The following HS3ST4 variants were observed in gnomAD, a reference collection of about 807,000 sequenced individuals.
HS3ST4 encodes heparan sulfate glucosamine 3-O-sulfotransferase 4.
HS3ST4 carries 17 observed loss-of-function variants against 29.2 expected under a neutral mutation model. The ratio of observed to expected loss-of-function variants is 0.58; its 90% CI spans 0.40 to 0.87. HS3ST4 has a LOEUF of 0.87. HS3ST4 is among the 40% of genes least tolerant of loss of function. The pLI is 0.00. For synonymous variants in HS3ST4, 314 were observed against 285.7 expected, an observed-to-expected ratio of 1.10 and a Z score of -1.00; for missense variants, 627 against 634.5, an observed-to-expected ratio of 0.99 and a Z score of 0.13.
At chr16:25,746,132 T>C (rs1344267751) in intron 1 of HS3ST4, among the ~76,000 whole-genome samples, 1 of 152,254 alleles carries the variant, frequency 6.6e-6, no homozygotes, top group Non-Finnish European at 1.5e-5. Flanking sequence ...AATTAGACTA[T>C]GAGCTTCTGA....
intron 1 of HS3ST4, among the ~76,000 whole-genome samples, chr16:25,833,980 T>C (rs1052303234): frequency 1.3e-5 from 2 of 152,072 alleles, no homozygotes; most frequent in African/African-American, 4.8e-5. Context: ...CTGATGAAAC[T>C]AATAAGTGAT....
intron 1 of HS3ST4, among the ~76,000 whole-genome samples, chr16:25,867,766 A>G (rs1453672468): frequency 6.6e-6 from 1 of 152,178 alleles, no homozygotes; most frequent in African/African-American, 2.4e-5. Flanking sequence ...TATAGTCAAG[A>G]GTTACTAAAT....
At chr16:25,838,497 T>C (rs977392943) in intron 1 of HS3ST4, among the ~76,000 whole-genome samples, 14 of 152,204 alleles carry the variant, frequency 9.2e-5, no homozygotes, top group Non-Finnish European at 2.1e-4. Flanking sequence ...GTGATTCATA[T>C]TTGCAGTTCA....
At chr16:25,793,000 A>G (rs1252066546) in intron 1 of HS3ST4, among the ~76,000 whole-genome samples, 1 of 151,852 alleles carries the variant, frequency 6.6e-6, no homozygotes, top group Non-Finnish European at 1.5e-5. Flanking sequence ...TCTAATTTTT[A>G]TGGTAATTTT....
chr16:25,832,020 C>G (rs143647429), intron 1 of HS3ST4, among the ~76,000 whole-genome samples: 3 of 152,138 alleles, frequency 2.0e-5, no homozygotes, highest in Non-Finnish European at 4.4e-5. Flanking sequence ...ATAGGAGGAT[C>G]ACTTGGACCC....
At chr16:26,085,926 A>G (rs1270075132) in intron 1 of HS3ST4, among the ~76,000 whole-genome samples, 1 of 151,450 alleles carries the variant, frequency 6.6e-6, no homozygotes, top group Non-Finnish European at 1.5e-5. Flanking sequence ...TAATAATAAA[A>G]TAAACTTAGC....
Position 26,135,942 on chromosome 16 carries a change from C to T in HS3ST4, c.1065C>T (p.Val355=). 1 of 1,613,954 alleles carries T rather than the reference C, an allele frequency of 6.2e-7. No homozygotes were observed. The highest frequency in any genetic ancestry group is 8.5e-7 in the Non-Finnish European group (1 of 1,179,874). ...QYFPLSQILF[V]SGERLIVDPA... is the part of the protein sequence containing the mutation. ...TCCCCCTCTCCCAGATCCTCTTTGTCAGTGGTGAGCGACTCATTGTGGACC... is the reference window on the plus strand; with the variant it reads ...TCCCCCTCTCCCAGATCCTCTTTGTTAGTGGTGAGCGACTCATTGTGGACC... The change falls in exon 2 of 2, where the codon GTC becomes GTT. Residue 355 remains valine (V), a synonymous_variant. Transcript: ENST00000331351.
chr16:25,845,677 A>ATAATAG (rs1459154538), intron 1 of HS3ST4, among the ~76,000 whole-genome samples: 2 of 147,426 alleles, frequency 1.4e-5, no homozygotes, highest in East Asian at 3.9e-4. Context: ...AATAATAATA[A>ATAATAG]TAATAATAGA....
At chr16:26,051,937 C>T (rs867386286) in intron 1 of HS3ST4, among the ~76,000 whole-genome samples, 6 of 132,530 alleles carry the variant, frequency 4.5e-5, no homozygotes, top group Middle Eastern at 4.0e-3. Context: ...TTCCTTCCTT[C>T]CGTCCTTCCT....
At chr16:25,873,362 CTAGCAAGCCATCCAGT>C (rs1567261359) in intron 1 of HS3ST4, among the ~76,000 whole-genome samples, 3,352 of 148,258 alleles carry the variant, frequency 0.023, 44 homozygotes, top group South Asian at 0.031. Flanking sequence ...ATCCATCCAC[CTAGCAAGCCATCCAGT>C]CATCCATCCA....
At chr16:25,771,149 A>T (rs1340486579) in intron 1 of HS3ST4, among the ~76,000 whole-genome samples, 2 of 151,394 alleles carry the variant, frequency 1.3e-5, no homozygotes, top group Non-Finnish European at 2.9e-5. Flanking sequence ...TGCCCCCCAC[A>T]CCCCAACAGG....
At chr16:25,939,324 T>C (rs1172373278) in intron 1 of HS3ST4, among the ~76,000 whole-genome samples, 2 of 42,670 alleles carry the variant, frequency 4.7e-5, no homozygotes, top group Non-Finnish European at 5.9e-5. Context: ...TTATTATTAT[T>C]ATTATCATTA....
intron 1 of HS3ST4, among the ~76,000 whole-genome samples, chr16:26,086,450 T>C (rs11639952): frequency 0.49 from 74,126 of 151,794 alleles, 18,326 homozygotes; most frequent in Middle Eastern, 0.57. Context: ...CCCAAGTTCA[T>C]GCCATTCTCC....
At chr16:26,083,355 T>C (rs1384143881) in intron 1 of HS3ST4, among the ~76,000 whole-genome samples, 1 of 152,256 alleles carries the variant, frequency 6.6e-6, no homozygotes, top group Non-Finnish European at 1.5e-5. Context: ...TCTGTAGCTA[T>C]TGTGGCTAGC....
At chr16:25,790,239 C>T (rs142263053) in intron 1 of HS3ST4, among the ~76,000 whole-genome samples, 33 of 152,000 alleles carry the variant, frequency 2.2e-4, no homozygotes, top group Admixed American at 2.1e-3. Flanking sequence ...GGTGAAACCC[C>T]GTCTCTACAA....
intron 1 of HS3ST4, among the ~76,000 whole-genome samples, chr16:25,893,862 A>T (rs572321709): frequency 6.6e-6 from 1 of 152,168 alleles, no homozygotes; most frequent in African/African-American, 2.4e-5. Flanking sequence ...CCCGTTTAGG[A>T]TATCCAGGGA....
intron 1 of HS3ST4, among the ~76,000 whole-genome samples, chr16:26,012,004 G>A (rs764144953): frequency 2.6e-5 from 4 of 152,052 alleles, no homozygotes; most frequent in Non-Finnish European, 4.4e-5. Context: ...TATAAAGTTG[G>A]GAAACAGAAT....
rs201384799 is a variant in HS3ST4 at position 26,102,166 on chromosome 16, CACA to C, written c.735-33442_735-33440del. Reference sequence around the variant, plus strand: ...CATTTGAGGGTCAATATAAAAAAAACACAACATTAATCCTAAAACTGGCACCTG... The same window carrying C: ...CATTTGAGGGTCAATATAAAAAAAACACATTAATCCTAAAACTGGCACCTG... On this transcript the variant is annotated intron_variant, in intron 1 of 1. Transcript: ENST00000331351. 6.3e-3 allele frequency among the ~76,000 whole-genome samples: 960 copies of C among 152,156 alleles called. 13 individuals are homozygous for C. The highest frequency in any genetic ancestry group is 0.022 in the African/African-American group (904 of 41,526).
At position 25,840,970 on chromosome 16, in the gene HS3ST4, G is replaced by GTTTATTTA. The variant is rs758166184; in HGVS notation, c.734+147822_734+147823insATTTATTT. 5.4e-5 allele frequency among the ~76,000 whole-genome samples: 7 copies of GTTTATTTA among 129,234 alleles called. No homozygotes were observed. The East Asian group carries it at 6.8e-4, about 13-fold the overall frequency. The allele number at this position is 129,234 out of a possible 152,430, so 84.8% of individuals were successfully genotyped here. Reference sequence around the variant, plus strand: ...ATTTACTTTACTTTAATTTATATTTGTTTGTTTATTTATTTATTTATTTAT... The same window carrying GTTTATTTA: ...ATTTACTTTACTTTAATTTATATTTGTTTATTTATTTGTTTATTTATTTATTTATTTAT... On this transcript the variant is annotated intron_variant, in intron 1 of 1. Transcript: ENST00000331351.
Sources: allele counts gnomAD v4.1 joint callset (sites outside exome capture counted in the v4.1 genomes callset), GRCh38; gene constraint gnomAD v4.1.1; transcripts MANE v1.5; gene names NCBI Gene and HGNC (gene_info 2026-07-23, HGNC 2026-07-21).